CERS4: variants seen among roughly 807,000 people sequenced by gnomAD.
CERS4 encodes ceramide synthase 4.
Under a neutral mutation model 51.8 loss-of-function variants are expected in CERS4, and 65 were observed. That is an observed-to-expected ratio of 1.26 (90% confidence interval 1.03 to 1.54). CERS4 has a LOEUF of 1.54. Among genes scored for constraint, CERS4 ranks in the 40% most tolerant of loss-of-function variants. The probability of loss-of-function intolerance (pLI) is 0.00; values close to 1 mark genes in which losing one functional copy is unlikely to be tolerated. For missense variants in CERS4, 563 were observed against 500.4 expected, an observed-to-expected ratio of 1.13 and a Z score of -1.19; for synonymous variants, 228 against 208.4, an observed-to-expected ratio of 1.09 and a Z score of -0.81.
chr19:8,219,951 C>G (rs2145174875), intron 2 of CERS4, among the ~76,000 whole-genome samples: 1 of 151,302 alleles, frequency 6.6e-6, no homozygotes, highest in Admixed American at 6.6e-5. Flanking sequence ...CCACTGCACT[C>G]CAGCCTGGGC....
chr19:8,236,438 T>C (rs918390225), intron 2 of CERS4, among the ~76,000 whole-genome samples: 6 of 152,098 alleles, frequency 3.9e-5, no homozygotes, highest in African/African-American at 1.4e-4. Context: ...ATGCCTGCAA[T>C]CCCAGCACTT....
chr19:8,224,404 C>T (rs1208769308), intron 2 of CERS4, among the ~76,000 whole-genome samples: 4 of 113,872 alleles, frequency 3.5e-5, no homozygotes, highest in East Asian at 3.0e-4. Context: ...GAGACTCCAT[C>T]GCAAAAAAAA....
intron 2 of CERS4, among the ~76,000 whole-genome samples, chr19:8,227,763 C>A (rs1304887857): frequency 6.6e-6 from 1 of 152,058 alleles, no homozygotes; most frequent in East Asian, 1.9e-4. Flanking sequence ...TTACATGAGG[C>A]CCCTAGCGTC....
intron 2 of CERS4, among the ~76,000 whole-genome samples, chr19:8,221,788 A>T (rs572675158): frequency 3.5e-4 from 53 of 151,236 alleles, no homozygotes; most frequent in Non-Finnish European, 7.4e-5. Flanking sequence ...AGCCTACCAA[A>T]GTGCTGGGAT....
chr19:8,215,217 A>G (rs1568495117), intron 2 of CERS4, among the ~76,000 whole-genome samples: 1 of 151,980 alleles, frequency 6.6e-6, no homozygotes, highest in Non-Finnish European at 1.5e-5. Context: ...GGTGGCTCAC[A>G]CCTGTGATCC....
intron 2 of CERS4, among the ~76,000 whole-genome samples, chr19:8,237,299 C>G (rs1205378011): frequency 6.6e-6 from 1 of 152,084 alleles, no homozygotes; most frequent in East Asian, 1.9e-4. Flanking sequence ...TGCCTGTACT[C>G]TCAGCACTTT....
intron 10 of CERS4, among the ~76,000 whole-genome samples, chr19:8,259,263 C>A (rs770103090): frequency 2.2e-4 from 34 of 151,994 alleles, no homozygotes; most frequent in Non-Finnish European, 4.6e-4. Context: ...GACAGAACCA[C>A]GTTGATCAGA....
intron 10 of CERS4, among the ~76,000 whole-genome samples, chr19:8,259,667 C>T (rs920045281): frequency 1.3e-5 from 2 of 151,912 alleles, no homozygotes; most frequent in Non-Finnish European, 2.9e-5. Flanking sequence ...AGGAACTGCT[C>T]GAGGCAGCAG....
Position 8,259,138 on chromosome 19 carries a change from TA to T in CERS4, c.848+1161del, listed in dbSNP as rs571478547. On this transcript the variant is annotated intron_variant, in intron 10 of 11. Transcript: ENST00000251363. ...GACAGAGCAAGACTCTGTCTCTAAA[TA>T]AAAAAAAGTCAGGAAGGGAGCAGGA... 4.6e-5 allele frequency among the ~76,000 whole-genome samples: 7 copies of T among 151,444 alleles called. No homozygotes were observed. The South Asian group carries it at 6.3e-4, about 14-fold the overall frequency.
intron 2 of CERS4, among the ~76,000 whole-genome samples, chr19:8,224,217 A>G (rs1279180060): frequency 4.0e-5 from 6 of 151,356 alleles, no homozygotes; most frequent in Non-Finnish European, 8.8e-5. Flanking sequence ...GACCAGCCTG[A>G]CCAACATGGT....
At chr19:8,235,763 A>G (rs913674036) in intron 2 of CERS4, among the ~76,000 whole-genome samples, 3 of 151,764 alleles carry the variant, frequency 2.0e-5, no homozygotes, top group Non-Finnish European at 2.9e-5. Context: ...GGCTGGTGGC[A>G]TGTGTCTGTG....
At chr19:8,252,442 C>CT (rs58506162) in intron 3 of CERS4, among the ~76,000 whole-genome samples, 290 of 148,662 alleles carry the variant, frequency 2.0e-3, no homozygotes, top group African/African-American at 6.7e-3. Flanking sequence ...GGCTGGCTAA[C>CT]TTTTTTTTTT....
chr19:8,250,747 GC>G, intron 2 of CERS4: 1 of 974,316 alleles, frequency 1.0e-6, no homozygotes, highest in Non-Finnish European at 1.2e-6. Context: ...GAGCAACTGC[GC>G]CCGGCCTACT....
intron 2 of CERS4, among the ~76,000 whole-genome samples, chr19:8,232,365 G>C (rs137947002): frequency 6.6e-6 from 1 of 151,222 alleles, no homozygotes; most frequent in African/African-American, 2.4e-5. Flanking sequence ...ATCTCGGCTC[G>C]CTGCAACCTC....
At chr19:8,211,431 T>C (rs1967081484) in intron 2 of CERS4, among the ~76,000 whole-genome samples, 2 of 152,226 alleles carry the variant, frequency 1.3e-5, no homozygotes, top group African/African-American at 4.8e-5. Flanking sequence ...GCCTCCGGGC[T>C]ACTGACTTCA....
intron 10 of CERS4, among the ~76,000 whole-genome samples, chr19:8,258,518 G>A (rs1969516005): frequency 6.6e-6 from 1 of 151,972 alleles, no homozygotes; most frequent in Non-Finnish European, 1.5e-5. Context: ...AGACCAGCCT[G>A]GCCAACATAG....
At chr19:8,233,257 C>G (rs1258648908) in intron 2 of CERS4, among the ~76,000 whole-genome samples, 1 of 151,854 alleles carries the variant, frequency 6.6e-6, no homozygotes, top group Non-Finnish European at 1.5e-5. Flanking sequence ...CTTCCGCCTC[C>G]CAGGTTCAAG....
intron 2 of CERS4, chr19:8,250,463 TG>T (rs1186657740): frequency 6.6e-6 from 1 of 152,370 alleles, no homozygotes; most frequent in African/African-American, 2.4e-5. Context: ...TGTTTTGTTT[TG>T]TTTTGTTTTT....
rs367562955 is a variant in CERS4, at chr19:8,218,556, G to A, written c.-2+7694G>A. Among the ~76,000 whole-genome samples, 94 of 152,296 alleles carry A rather than the reference G, an allele frequency of 6.2e-4. No individual in the cohort carries two copies. The East Asian group carries it at 0.01, about 17-fold the overall frequency. ...CAGGGAGGCCAGGACAGGGCAGTGCGTTCGGCCAGGTCACAAAGGCCTCGA... is the reference window on the plus strand; with the variant it reads ...CAGGGAGGCCAGGACAGGGCAGTGCATTCGGCCAGGTCACAAAGGCCTCGA... On this transcript the variant is annotated intron_variant, in intron 2 of 11. Coordinates refer to ENST00000251363, the MANE Select transcript of CERS4 (RefSeq NM_024552.3).
Sources: gnomAD v4.1 joint callset for allele counts (sites outside exome capture counted in the v4.1 genomes callset) on GRCh38, gnomAD v4.1.1 for gene constraint, MANE v1.5 for transcripts, NCBI Gene and HGNC (gene_info 2026-07-23, HGNC 2026-07-21) for gene names.